Variants in PRKCQ observed in about 807,000 individuals in gnomAD.
The protein encoded by PRKCQ is protein kinase C theta, also known as protein kinase C theta type.
Under a neutral mutation model 91.2 loss-of-function variants are expected in PRKCQ, and 41 were observed. The ratio of observed to expected loss-of-function variants is 0.45; its 90% CI spans 0.35 to 0.58. The LOEUF (loss-of-function observed/expected upper bound fraction) is 0.58. Among genes scored for constraint, PRKCQ ranks in the 20% least tolerant of loss-of-function variants. The pLI is 0.00. For missense variants in PRKCQ, 673 were observed against 896.5 expected, an observed-to-expected ratio of 0.75 and a Z score of 3.18; for synonymous variants, 307 against 316.9, an observed-to-expected ratio of 0.97 and a Z score of 0.33.
At chr10:6,550,392 G>A (rs558826402) in intron 1 of PRKCQ, among the ~76,000 whole-genome samples, 8 of 152,136 alleles carry the variant, frequency 5.3e-5, no homozygotes, top group East Asian at 3.9e-4. Flanking sequence ...TCATGCCTCC[G>A]CCACCTGAGT....
At chr10:6,546,668 C>T (rs567078239) in intron 1 of PRKCQ, among the ~76,000 whole-genome samples, 2 of 152,280 alleles carry the variant, frequency 1.3e-5, no homozygotes, top group South Asian at 2.1e-4. Flanking sequence ...ACAGTCATGT[C>T]GTCTGCAAAC....
intron 4 of PRKCQ, among the ~76,000 whole-genome samples, chr10:6,501,317 A>G (rs1041953844): frequency 2.0e-5 from 3 of 152,108 alleles, no homozygotes; most frequent in Non-Finnish European, 4.4e-5. Context: ...AGATTGGGGA[A>G]GATGCATAAT....
chr10:6,446,357 G>GTTTTTTTT (rs66839272), intron 15 of PRKCQ, among the ~76,000 whole-genome samples: 1 of 79,600 alleles, frequency 1.3e-5, no homozygotes, highest in African/African-American at 5.1e-5. Context: ...ACTATGCTCA[G>GTTTTTTTT]TTTTTTTTTT....
chr10:6,476,462 A>C (rs1250463061), intron 12 of PRKCQ, among the ~76,000 whole-genome samples: 1 of 152,224 alleles, frequency 6.6e-6, no homozygotes, highest in Non-Finnish European at 1.5e-5. Flanking sequence ...CCCAATTAAC[A>C]ACTGTTAGTT....
chr10:6,466,509 C>T (rs537983306), intron 12 of PRKCQ, among the ~76,000 whole-genome samples: 1 of 152,308 alleles, frequency 6.6e-6, no homozygotes, highest in African/African-American at 2.4e-5. Flanking sequence ...TTAACCCTCC[C>T]AAGAGAACTG....
chr10:6,449,454 T>G (rs1834524622), intron 15 of PRKCQ, among the ~76,000 whole-genome samples: 1 of 152,150 alleles, frequency 6.6e-6, no homozygotes, highest in African/African-American at 2.4e-5. Flanking sequence ...AATCTGTGTC[T>G]GATTGGTGTA....
chr10:6,571,586 A>C (rs2130977184), intron 1 of PRKCQ, among the ~76,000 whole-genome samples: 1 of 152,310 alleles, frequency 6.6e-6, no homozygotes, highest in African/African-American at 2.4e-5. Context: ...CAGGAGGATC[A>C]CTTGAGGCCA....
intron 1 of PRKCQ, among the ~76,000 whole-genome samples, chr10:6,548,212 T>G (rs1459698153): frequency 6.6e-6 from 1 of 150,638 alleles, no homozygotes; most frequent in Non-Finnish European, 1.5e-5. Flanking sequence ...AGAATGGCAA[T>G]CATTAAAAGG....
chr10:6,501,486 C>G (rs549284045), intron 4 of PRKCQ, among the ~76,000 whole-genome samples: 27 of 151,616 alleles, frequency 1.8e-4, no homozygotes, highest in African/African-American at 6.5e-4. Context: ...GAGGAGAAGG[C>G]GGGAGGAAGC....
chr10:6,432,125 T>G (rs983629782), intron 16 of PRKCQ, among the ~76,000 whole-genome samples: 1 of 152,212 alleles, frequency 6.6e-6, no homozygotes. Flanking sequence ...TAGGGCATTT[T>G]AAGGAGCCTA....
intron 7 of PRKCQ, 136 bp from the exon 8 acceptor site, chr10:6,491,948 C>CTGTGTG: frequency 7.7e-7 from 1 of 1,306,480 alleles, no homozygotes; most frequent in Non-Finnish European, 1.1e-6. Context: ...CCATCATTGT[C>CTGTGTG]ACTTGTCAAG....
chr10:6,397,322 T>C, the PRKCQ span, among the ~76,000 whole-genome samples: 1 of 152,180 alleles, frequency 6.6e-6, no homozygotes, highest in African/African-American at 2.4e-5. Flanking sequence ...CTCGAACTCC[T>C]GACATCAGGC....
Position 6,428,253 on chromosome 10 carries a change from C to T in PRKCQ, c.2075G>A (p.Arg692Lys), listed in dbSNP as rs200838412. The change falls in exon 18 of 18, where the codon AGG becomes AAG. Residue 692 changes from arginine to lysine, a missense_variant. By Grantham distance (26) the Arg-to-Lys change is conservative. Coordinates refer to ENST00000263125, the MANE Select transcript of PRKCQ (RefSeq NM_006257.5). ...CCCGGGGTTCATGAAGGAAAAGTTC[C>T]TGAACATATTCTGGTCCATGCTGTT... is the stretch of plus-strand genomic sequence containing the variant. ...LINSMDQNMFRNFSFMNPGME... is the reference protein window; with the variant it reads ...LINSMDQNMFKNFSFMNPGME... 4.0e-5 allele frequency: 65 copies of T among 1,614,188 alleles called. No homozygotes were observed. Among genetic ancestry groups the T allele is most frequent in the Non-Finnish European group, 4.9e-5 (58 of 1,180,034 alleles).
chr10:6,428,383 A>C, intron 17 of PRKCQ, 21 bp from the exon 18 acceptor site: 1 of 1,601,922 alleles, frequency 6.2e-7, no homozygotes, highest in African/African-American at 1.3e-5. Context: ...GTTTAAGGGA[A>C]GAAAGAAAGA....
At chr10:6,541,657 A>T (rs1309103592) in intron 1 of PRKCQ, among the ~76,000 whole-genome samples, 1 of 152,256 alleles carries the variant, frequency 6.6e-6, no homozygotes, top group Admixed American at 6.5e-5. Context: ...GCATGAATTT[A>T]GTAAGTCCAT....
At chr10:6,395,441 T>C in the PRKCQ span, among the ~76,000 whole-genome samples, 6 of 151,734 alleles carry the variant, frequency 4.0e-5, 1 homozygote, top group South Asian at 1.2e-3. Context: ...ATTTGGTAAA[T>C]GGGGAGAAGG....
intron 7 of PRKCQ, among the ~76,000 whole-genome samples, chr10:6,495,241 T>C (rs1837525096): frequency 6.6e-6 from 1 of 152,186 alleles, no homozygotes; most frequent in South Asian, 2.1e-4. Context: ...CTACTACAAG[T>C]TGCACAAAAT....
intron 15 of PRKCQ, among the ~76,000 whole-genome samples, chr10:6,449,822 C>T (rs1834550609): frequency 6.6e-6 from 1 of 152,126 alleles, no homozygotes. Context: ...AATTTCATAT[C>T]CAGCCAAACT....
At chr10:6,484,573 TC>T (rs34170213) in intron 10 of PRKCQ, among the ~76,000 whole-genome samples, 1 of 152,134 alleles carries the variant, frequency 6.6e-6, no homozygotes, top group African/African-American at 2.4e-5. Flanking sequence ...TTTAGGAATT[TC>T]CCCCTGCCTA....
Sources: gnomAD v4.1 joint callset for allele counts (sites outside exome capture counted in the v4.1 genomes callset) on GRCh38, gnomAD v4.1.1 for gene constraint, MANE v1.5 for transcripts, NCBI Gene and HGNC (gene_info 2026-07-23, HGNC 2026-07-21) for gene names.